The following RANBP17 variants were observed in gnomAD, a reference collection of about 807,000 sequenced individuals.
RANBP17 encodes the protein ran-binding protein 17.
In RANBP17, 158 loss-of-function variants were observed where a neutral mutation model predicts 141.2. The ratio of observed to expected loss-of-function variants is 1.12; its 90% CI spans 0.98 to 1.28. The LOEUF (loss-of-function observed/expected upper bound fraction) is 1.28. Ranked by LOEUF, RANBP17 falls within the 50% of genes most tolerant of loss-of-function variation. RANBP17 has a pLI of 0.00. For missense variants in RANBP17, 1,438 were observed against 1,290.7 expected (o/e 1.11, Z -1.75); for synonymous variants, 430 against 450.0 (o/e 0.96, Z 0.56).
chr5:170,948,412 A>AT lies in RANBP17; in HGVS notation c.1469-5179dup, dbSNP rs1271479025. The stretch of plus-strand genomic sequence containing the variant: ...AATAAATAAAATCAATGGTATGTCT[A>AT]TTTTTTAACAATCAGCAATTGAATA... On this transcript the variant is annotated intron_variant, in intron 12 of 27. Coordinates refer to ENST00000523189, the MANE Select transcript of RANBP17 (RefSeq NM_022897.5). 2.0e-5 allele frequency among the ~76,000 whole-genome samples: 3 copies of AT among 152,168 alleles called. 1 individual carries two copies. The South Asian group carries it at 6.2e-4, about 32-fold the overall frequency.
chr5:170,868,994 G>A (rs1358881339), intron 1 of RANBP17, among the ~76,000 whole-genome samples: 1 of 152,108 alleles, frequency 6.6e-6, no homozygotes, highest in Admixed American at 6.6e-5. Flanking sequence ...CCAGGTATAA[G>A]TTTGTTACCT....
At chr5:171,262,153 T>G (rs1766375753) in intron 24 of RANBP17, among the ~76,000 whole-genome samples, 1 of 152,224 alleles carries the variant, frequency 6.6e-6, no homozygotes, top group East Asian at 1.9e-4. Flanking sequence ...TTTATAATTT[T>G]TATATGATTG....
intron 18 of RANBP17, among the ~76,000 whole-genome samples, chr5:171,185,221 G>GAGCTTTCAGTGTGTTGTA (rs1437294764): frequency 1.3e-5 from 2 of 152,170 alleles, no homozygotes; most frequent in African/African-American, 4.8e-5. Context: ...GCAAACATCT[G>GAGCTTTCAGTGTGTTGTA]AGCTTTCAGT....
chr5:171,050,173 C>T (rs898566170), intron 14 of RANBP17, among the ~76,000 whole-genome samples: 1 of 152,000 alleles, frequency 6.6e-6, no homozygotes, highest in Non-Finnish European at 1.5e-5. Flanking sequence ...TTCTTGCTAC[C>T]TTTAGATTAC....
chr5:171,106,490 C>T (rs575286504), intron 14 of RANBP17, among the ~76,000 whole-genome samples: 1 of 152,138 alleles, frequency 6.6e-6, no homozygotes, highest in East Asian at 1.9e-4. Context: ...ATATAGCCCA[C>T]CAGTTAGAGG....
chr5:171,160,456 G>C (rs571052166), intron 14 of RANBP17, among the ~76,000 whole-genome samples: 2 of 152,032 alleles, frequency 1.3e-5, no homozygotes, highest in South Asian at 4.2e-4. Flanking sequence ...GACTGTTATA[G>C]GTCCTTCACA....
intron 18 of RANBP17, among the ~76,000 whole-genome samples, chr5:171,193,415 C>A (rs192367798): frequency 2.0e-5 from 3 of 151,624 alleles, no homozygotes; most frequent in Admixed American, 2.0e-4. Context: ...GCCATGTGCC[C>A]CAGGTTGTAT....
intron 14 of RANBP17, among the ~76,000 whole-genome samples, chr5:171,041,464 G>A (rs1782245267): frequency 6.6e-6 from 1 of 152,104 alleles, no homozygotes; most frequent in African/African-American, 2.4e-5. Flanking sequence ...ATTTCTTGAA[G>A]TACAGTCACA....
intron 24 of RANBP17, among the ~76,000 whole-genome samples, chr5:171,255,391 G>A (rs1765817914): frequency 6.6e-6 from 1 of 152,058 alleles, no homozygotes; most frequent in African/African-American, 2.4e-5. Flanking sequence ...TTAAAGTACA[G>A]CATTGAAATA....
At chr5:170,983,147 C>T (rs1777888631) in intron 14 of RANBP17, 1 of 512,958 alleles carries the variant, frequency 1.9e-6, no homozygotes, top group Non-Finnish European at 3.8e-6. Context: ...ATCTGAGAAT[C>T]AGAGGATCAA....
chr5:170,950,655 C>T (rs1775141764), intron 12 of RANBP17, among the ~76,000 whole-genome samples: 1 of 152,050 alleles, frequency 6.6e-6, no homozygotes, highest in Non-Finnish European at 1.5e-5. Flanking sequence ...TTAAAACAGC[C>T]ATTATGGAAA....
At chr5:171,178,736 CA>C (rs1760687403) in intron 16 of RANBP17, among the ~76,000 whole-genome samples, 1 of 152,178 alleles carries the variant, frequency 6.6e-6, no homozygotes, top group African/African-American at 2.4e-5. Flanking sequence ...GATGGTATCT[CA>C]TTGTGGTTTT....
intron 14 of RANBP17, among the ~76,000 whole-genome samples, chr5:171,060,499 C>A (rs1357614335): frequency 1.3e-5 from 2 of 152,014 alleles, no homozygotes. Context: ...AGCCTTGCAT[C>A]CCAGGGATGA....
chr5:171,060,775 T>G (rs1180294438), intron 14 of RANBP17, among the ~76,000 whole-genome samples: 1 of 152,128 alleles, frequency 6.6e-6, no homozygotes, highest in Non-Finnish European at 1.5e-5. Flanking sequence ...AGAATTCGGC[T>G]GTGAATCCAT....
At chr5:170,994,836 A>T (rs1778715514) in intron 14 of RANBP17, among the ~76,000 whole-genome samples, 2 of 151,974 alleles carry the variant, frequency 1.3e-5, no homozygotes, top group Non-Finnish European at 2.9e-5. Flanking sequence ...TTCACTTTTT[A>T]CTTTTTGACC....
chr5:170,986,561 C>CATAT (rs145763842), intron 14 of RANBP17, among the ~76,000 whole-genome samples: 4 of 149,638 alleles, frequency 2.7e-5, no homozygotes, highest in South Asian at 2.1e-4. Context: ...ACCCCATAAA[C>CATAT]ATATATATAT....
intron 14 of RANBP17, among the ~76,000 whole-genome samples, chr5:171,106,400 A>G (rs758637928): frequency 6.6e-6 from 1 of 152,118 alleles, no homozygotes; most frequent in Non-Finnish European, 1.5e-5. Flanking sequence ...TGTTTGAGGA[A>G]CTATAAGATA....
At chr5:171,074,404 T>C (rs1784796080) in intron 14 of RANBP17, among the ~76,000 whole-genome samples, 1 of 152,184 alleles carries the variant, frequency 6.6e-6, no homozygotes, top group African/African-American at 2.4e-5. Flanking sequence ...CTAGATTGGA[T>C]CTTAGAATCA....
At chr5:170,922,984 TC>T (rs1772600098) in intron 11 of RANBP17, among the ~76,000 whole-genome samples, 1 of 150,138 alleles carries the variant, frequency 6.7e-6, no homozygotes, top group South Asian at 2.3e-4. Flanking sequence ...CTTAGCAGAG[TC>T]CTTAGAAGAG....
Sources: gnomAD v4.1 joint callset for allele counts (sites outside exome capture counted in the v4.1 genomes callset) on GRCh38, gnomAD v4.1.1 for gene constraint, MANE v1.5 for transcripts, NCBI Gene and HGNC (gene_info 2026-07-23, HGNC 2026-07-21) for gene names.